Variants in FHIP1A observed in about 807,000 individuals in gnomAD.
FHIP1A encodes the protein FHF complex subunit HOOK-interacting protein 1A.
FHIP1A carries 61 observed loss-of-function variants against 88.6 expected under a neutral mutation model. The ratio of observed to expected loss-of-function variants is 0.69; its 90% CI spans 0.56 to 0.85. The LOEUF (loss-of-function observed/expected upper bound fraction) is 0.85. Among genes scored for constraint, FHIP1A ranks in the 40% least tolerant of loss-of-function variants. The pLI is 0.00. For synonymous variants in FHIP1A, 478 were observed against 496.0 expected (o/e 0.96, Z 0.48); for missense variants, 1,154 against 1,273.5 (o/e 0.91, Z 1.43).
At chr4:151,640,124 G>A (rs973515743) in intron 9 of FHIP1A, among the ~76,000 whole-genome samples, 8 of 152,152 alleles carry the variant, frequency 5.3e-5, no homozygotes, top group African/African-American at 1.9e-4. Flanking sequence ...AAACTCTGGG[G>A]TTAGGGCCCA....
intron 3 of FHIP1A, among the ~76,000 whole-genome samples, chr4:151,511,883 G>A (rs1237860447): frequency 6.6e-6 from 1 of 152,254 alleles, no homozygotes; most frequent in East Asian, 1.9e-4. Context: ...AAAGACAGCA[G>A]TAACCTCTGC....
intron 1 of FHIP1A, among the ~76,000 whole-genome samples, chr4:151,439,283 G>A (rs534458177): frequency 7.9e-5 from 12 of 152,238 alleles, no homozygotes; most frequent in East Asian, 1.9e-4. Context: ...AAGGGTTGTT[G>A]TGGGGACTAA....
At chr4:151,474,616 A>C (rs903336992) in intron 2 of FHIP1A, among the ~76,000 whole-genome samples, 3 of 152,244 alleles carry the variant, frequency 2.0e-5, no homozygotes, top group Non-Finnish European at 4.4e-5. Flanking sequence ...TCAAAGCTAA[A>C]TCTTTAGTGT....
At chr4:151,631,266 CA>C (rs1290996106) in intron 8 of FHIP1A, among the ~76,000 whole-genome samples, 1 of 151,948 alleles carries the variant, frequency 6.6e-6, no homozygotes, top group Non-Finnish European at 1.5e-5. Flanking sequence ...AGGGAAGTCT[CA>C]AATTACTAAA....
At chr4:151,660,396 GGGAAGAGAATGAATGAATTT>G (rs142513739) in intron 13 of FHIP1A, among the ~76,000 whole-genome samples, 16,759 of 152,142 alleles carry the variant, frequency 0.11, 974 homozygotes, top group African/African-American at 0.13. Flanking sequence ...CTTTTTAGGG[GGGAAGAGAATGAATGAATTT>G]GGAAGAGAAT....
intron 7 of FHIP1A, among the ~76,000 whole-genome samples, chr4:151,605,697 G>A (rs1353003162): frequency 6.6e-6 from 1 of 152,196 alleles, no homozygotes; most frequent in East Asian, 1.9e-4. Flanking sequence ...TTACAAGCTT[G>A]TCTTCCAAAC....
chr4:151,663,135 C>G lies in FHIP1A; in HGVS notation c.*381C>G, dbSNP rs113290908. The G allele has an allele frequency of 1.1e-4, 18 of 164,518 alleles. No homozygotes were observed. The highest frequency in any genetic ancestry group is 2.6e-4 in the African/African-American group (11 of 41,882). 10.2% of individuals were successfully genotyped at this position (164,518 alleles called of 1,614,324 possible). ...TCTGGAAGTGCCCCATGTCAGAATT[C>G]CAGCTGTTCAGCAGCACAGGAAGAT... On this transcript the variant is annotated 3_prime_UTR_variant, in exon 14 of 14. Transcript: ENST00000435205.
At chr4:151,524,974 G>T (rs996086368) in intron 3 of FHIP1A, among the ~76,000 whole-genome samples, 2 of 152,166 alleles carry the variant, frequency 1.3e-5, no homozygotes, top group Non-Finnish European at 2.9e-5. Flanking sequence ...CATCTCTTTT[G>T]ATCAAAGGGC....
chr4:151,492,717 A>T (rs1191307752), intron 3 of FHIP1A, among the ~76,000 whole-genome samples: 1 of 152,220 alleles, frequency 6.6e-6, no homozygotes, highest in Non-Finnish European at 1.5e-5. Flanking sequence ...GAAATGAAAT[A>T]ATCTGCTGCT....
intron 7 of FHIP1A, among the ~76,000 whole-genome samples, chr4:151,613,714 A>C (rs1041827543): frequency 2.0e-5 from 3 of 152,236 alleles, no homozygotes; most frequent in Non-Finnish European, 2.9e-5. Context: ...AGCCTGGTGC[A>C]CATCAGAAGC....
intron 3 of FHIP1A, among the ~76,000 whole-genome samples, chr4:151,514,305 T>C (rs1731147466): frequency 6.6e-6 from 1 of 151,838 alleles, no homozygotes; most frequent in Non-Finnish European, 1.5e-5. Flanking sequence ...TTCAAAGCAG[T>C]GTGTAGAGGG....
intron 3 of FHIP1A, among the ~76,000 whole-genome samples, chr4:151,487,636 A>G (rs936729574): frequency 1.3e-5 from 2 of 152,234 alleles, no homozygotes; most frequent in Non-Finnish European, 1.5e-5. Context: ...TCAACCATCA[A>G]CCAAATGTAG....
intron 5 of FHIP1A, 102 bp from the exon 6 acceptor site, chr4:151,586,539 A>G: frequency 1.1e-6 from 1 of 895,362 alleles, no homozygotes; most frequent in Non-Finnish European, 1.7e-6. Flanking sequence ...CTACTTAAAG[A>G]TATAGTTTTG....
chr4:151,548,022 T>G (rs1732574268), intron 3 of FHIP1A, among the ~76,000 whole-genome samples: 1 of 152,208 alleles, frequency 6.6e-6, no homozygotes, highest in Non-Finnish European at 1.5e-5. Context: ...TCACCTCTAT[T>G]TTACAGATGA....
At chr4:151,451,663 A>G (rs1728793451) in intron 1 of FHIP1A, among the ~76,000 whole-genome samples, 1 of 152,196 alleles carries the variant, frequency 6.6e-6, no homozygotes, top group Admixed American at 6.5e-5. Flanking sequence ...CCACGGTTGA[A>G]TGATTATTTT....
intron 2 of FHIP1A, among the ~76,000 whole-genome samples, chr4:151,473,661 A>G (rs1729604804): frequency 6.6e-6 from 1 of 152,188 alleles, no homozygotes; most frequent in East Asian, 1.9e-4. Flanking sequence ...TATACTTTAC[A>G]GTTTTGCAGT....
intron 6 of FHIP1A, 94 bp downstream of exon 6, chr4:151,586,893 T>A: frequency 1.1e-6 from 1 of 948,298 alleles, no homozygotes; most frequent in Non-Finnish European, 1.5e-6. Context: ...TTTTTTAAAA[T>A]GTTAATAAAT....
intron 9 of FHIP1A, among the ~76,000 whole-genome samples, chr4:151,642,455 AAACAACAAC>A (rs201679670): frequency 2.0e-5 from 3 of 151,710 alleles, no homozygotes; most frequent in Admixed American, 6.6e-5. Flanking sequence ...GAGGAAAGGA[AAACAACAAC>A]AACAACAACA....
intron 5 of FHIP1A, among the ~76,000 whole-genome samples, chr4:151,584,612 C>G (rs1320647421): frequency 6.6e-6 from 1 of 152,208 alleles, no homozygotes; most frequent in East Asian, 1.9e-4. Flanking sequence ...GCCCAGAGCT[C>G]TCTTTTAAGC....
Sources: allele counts gnomAD v4.1 joint callset (sites outside exome capture counted in the v4.1 genomes callset), GRCh38; gene constraint gnomAD v4.1.1; transcripts MANE v1.5; gene names NCBI Gene and HGNC (gene_info 2026-07-23, HGNC 2026-07-21).